Variants in KCNT2 observed in about 807,000 individuals in gnomAD.
KCNT2 encodes potassium sodium-activated channel subfamily T member 2.
Under a neutral mutation model 153.8 loss-of-function variants are expected in KCNT2, and 67 were observed. The observed-to-expected ratio is 0.44, with a 90% confidence interval of 0.36 to 0.53. The LOEUF (loss-of-function observed/expected upper bound fraction) is 0.53, where lower values mean the gene tolerates loss of function less well. KCNT2 is among the 20% of genes least tolerant of loss of function. KCNT2 has a pLI of 0.00. For synonymous variants in KCNT2, 500 were observed against 458.8 expected, an observed-to-expected ratio of 1.09 and a Z score of -1.15; for missense variants, 975 against 1,354.8, an observed-to-expected ratio of 0.72 and a Z score of 4.40.
chr1:196,509,031 G>T (rs543407427), intron 1 of KCNT2, among the ~76,000 whole-genome samples: 41 of 152,260 alleles, frequency 2.7e-4, no homozygotes, highest in African/African-American at 9.6e-4. Context: ...CATTTTAAGA[G>T]GTTGAGGCGG....
chr1:196,304,501 G>A (rs1391390468), intron 22 of KCNT2, among the ~76,000 whole-genome samples: 2 of 151,974 alleles, frequency 1.3e-5, no homozygotes, highest in East Asian at 1.9e-4. Flanking sequence ...TTATAGGCAC[G>A]AGCCGCCACA....
At chr1:196,514,365 T>C (rs999071309) in intron 1 of KCNT2, among the ~76,000 whole-genome samples, 12 of 152,194 alleles carry the variant, frequency 7.9e-5, no homozygotes, top group African/African-American at 2.9e-4. Context: ...CTTCTTTTTA[T>C]GTACTAATAT....
intron 23 of KCNT2, among the ~76,000 whole-genome samples, chr1:196,284,249 AT>A (rs1348917155): frequency 0.017 from 398 of 22,882 alleles, 31 homozygotes; most frequent in African/African-American, 0.035. Context: ...AAAAAAAAAA[AT>A]ATATATATAT....
At chr1:196,567,724 T>C (rs1660278711) in intron 1 of KCNT2, among the ~76,000 whole-genome samples, 2 of 152,116 alleles carry the variant, frequency 1.3e-5, no homozygotes, top group Admixed American at 1.3e-4. Context: ...GAGATAAAGG[T>C]GGTGAAGGAC....
At chr1:196,478,364 A>G (rs1328898484) in intron 5 of KCNT2, among the ~76,000 whole-genome samples, 2 of 152,210 alleles carry the variant, frequency 1.3e-5, no homozygotes, top group Admixed American at 6.5e-5. Flanking sequence ...AATTTCAATT[A>G]CAGAATCTTG....
At chr1:196,256,450 TAATC>T (rs768584762) in intron 26 of KCNT2, among the ~76,000 whole-genome samples, 3 of 152,168 alleles carry the variant, frequency 2.0e-5, no homozygotes, top group East Asian at 1.9e-4. Flanking sequence ...TGAAAAAACT[TAATC>T]AACAACAGTG....
At chr1:196,554,956 C>G (rs1658451075) in intron 1 of KCNT2, among the ~76,000 whole-genome samples, 1 of 151,110 alleles carries the variant, frequency 6.6e-6, no homozygotes. Context: ...GATAAAAACT[C>G]TTAAAAAACT....
At chr1:196,361,247 C>T (rs1431811716) in intron 14 of KCNT2, among the ~76,000 whole-genome samples, 1 of 151,858 alleles carries the variant, frequency 6.6e-6, no homozygotes, top group Non-Finnish European at 1.5e-5. Context: ...ACTCCCTGCC[C>T]ACACAAACAG....
chr1:196,367,055 C>A (rs925635493), intron 14 of KCNT2, among the ~76,000 whole-genome samples: 8 of 152,094 alleles, frequency 5.3e-5, no homozygotes, highest in Non-Finnish European at 1.0e-4. Context: ...TTGCAACACG[C>A]CTACTACAAA....
At chr1:196,437,330 A>G (rs1674804054) in intron 8 of KCNT2, among the ~76,000 whole-genome samples, 2 of 136,266 alleles carry the variant, frequency 1.5e-5, no homozygotes, top group South Asian at 4.4e-4. Context: ...ATACATAAAC[A>G]TATTTTTATT....
intron 1 of KCNT2, among the ~76,000 whole-genome samples, chr1:196,568,367 G>A (rs1412919047): frequency 1.3e-5 from 2 of 152,056 alleles, no homozygotes; most frequent in Admixed American, 6.6e-5. Context: ...GCCGAGGCGG[G>A]CGGATCACGA....
chr1:196,257,926 CAG>C (rs1261655573), intron 26 of KCNT2: 1 of 960,428 alleles, frequency 1.0e-6, no homozygotes, highest in Non-Finnish European at 1.2e-6. Flanking sequence ...GGGTCTGGCT[CAG>C]AGTTTTTGTG....
intron 16 of KCNT2, among the ~76,000 whole-genome samples, chr1:196,337,611 T>G (rs1665161347): frequency 1.3e-5 from 2 of 152,130 alleles, no homozygotes; most frequent in African/African-American, 4.8e-5. Flanking sequence ...TTACTGTTCC[T>G]GGAGAACCCC....
At chr1:196,287,563 A>G (rs961753316) in intron 22 of KCNT2, among the ~76,000 whole-genome samples, 2 of 152,144 alleles carry the variant, frequency 1.3e-5, no homozygotes, top group Non-Finnish European at 2.9e-5. Context: ...TTATTCCTAT[A>G]GGAAATGAAC....
At chr1:196,338,596 T>C (rs1572090294) in intron 16 of KCNT2, among the ~76,000 whole-genome samples, 1 of 152,184 alleles carries the variant, frequency 6.6e-6, no homozygotes, top group South Asian at 2.1e-4. Flanking sequence ...GACTTTTTTT[T>C]CCAATGGGTA....
At chr1:196,586,125 G>T (rs930283213) in intron 1 of KCNT2, among the ~76,000 whole-genome samples, 16 of 152,044 alleles carry the variant, frequency 1.1e-4, no homozygotes, top group African/African-American at 3.4e-4. Context: ...TTATCCAGGC[G>T]TAGTGGCAAG....
chr1:196,405,340 A>G (rs1249362505), intron 12 of KCNT2, among the ~76,000 whole-genome samples: 1 of 151,522 alleles, frequency 6.6e-6, no homozygotes, highest in Non-Finnish European at 1.5e-5. Context: ...ACACTACCAC[A>G]TCATCTGAGT....
intron 5 of KCNT2, among the ~76,000 whole-genome samples, chr1:196,473,742 G>T (rs1195528517): frequency 6.6e-6 from 1 of 151,892 alleles, no homozygotes; most frequent in African/African-American, 2.4e-5. Context: ...ATATAGAAAG[G>T]ATCCACAAGT....
At chr1:196,532,912 G>T (rs952454783) in intron 1 of KCNT2, among the ~76,000 whole-genome samples, 1 of 151,980 alleles carries the variant, frequency 6.6e-6, no homozygotes, top group African/African-American at 2.4e-5. Context: ...ATCATCTTGG[G>T]AATATAATTT....
Sources: allele counts gnomAD v4.1 joint callset (sites outside exome capture counted in the v4.1 genomes callset), GRCh38; gene constraint gnomAD v4.1.1; transcripts MANE v1.5; gene names NCBI Gene and HGNC (gene_info 2026-07-23, HGNC 2026-07-21).